The following USP9X variants were observed in gnomAD, a reference collection of about 807,000 sequenced individuals.
The protein encoded by USP9X is ubiquitin carboxyl-terminal hydrolase 9X.
In USP9X, 7 loss-of-function variants were observed where a neutral mutation model predicts 190.3. The observed-to-expected ratio is 0.04, with a 90% CI of 0.02 to 0.07. The LOEUF (loss-of-function observed/expected upper bound fraction) is 0.07. USP9X is among the 10% of genes least tolerant of loss of function. USP9X has a pLI of 1.00. For synonymous variants in USP9X, 645 were observed against 659.5 expected (o/e 0.98, Z 0.34); for missense variants, 1,010 against 1,916.9 (o/e 0.53, Z 8.83).
At chrX:41,153,655 C>A in intron 14 of USP9X, among the ~76,000 whole-genome samples, 1 of 111,805 alleles carries the variant, frequency 8.9e-6, no homozygotes, top group Non-Finnish European at 1.9e-5. Context: ...TGTGTGGAGC[C>A]CTGTGTCAGT....
chrX:41,222,981 T>TTGAACAATGTTAATAC (rs2063278290), intron 38 of USP9X, among the ~76,000 whole-genome samples: 1 of 112,232 alleles, frequency 8.9e-6, no homozygotes, highest in Non-Finnish European at 1.9e-5. Context: ...ATAGTCACTG[T>TTGAACAATGTTAATAC]TGAACAATGT....
chrX:41,167,996 G>C lies in USP9X; in HGVS notation c.2425-11G>C. The C allele has an allele frequency of 1.7e-6, 2 of 1,187,694 alleles. No homozygotes were observed. Among genetic ancestry groups the C allele is most frequent in the Non-Finnish European group, 2.3e-6 (2 of 881,667 alleles). On this transcript the variant is annotated splice_polypyrimidine_tract_variant and intron_variant, in intron 17 of 44. Transcript: ENST00000378308. ...AATTTTAACTGTGTTTATTTGGCCT[G>C]ATATTTGTAGGTGGTGATCCATGAA...
chrX:41,199,125 A>G (rs1309314998), intron 30 of USP9X, among the ~76,000 whole-genome samples: 4 of 110,933 alleles, frequency 3.6e-5, no homozygotes, highest in Non-Finnish European at 7.6e-5. Flanking sequence ...TGGAGGTTGC[A>G]GTGAGCCGAG....
At chrX:41,183,272 TAA>T (rs10719162) in intron 21 of USP9X, among the ~76,000 whole-genome samples, 20 of 96,656 alleles carry the variant, frequency 2.1e-4, no homozygotes, top group Non-Finnish European at 2.7e-4. Context: ...AGCTTTTACT[TAA>T]AAAAAAAAAA....
chrX:41,152,999 A>G lies in USP9X; in HGVS notation c.1815A>G (p.Gln605=), dbSNP rs1189627571. 3 of 1,210,720 alleles carry G rather than the reference A, an allele frequency of 2.5e-6. No homozygotes were observed. The highest frequency in any genetic ancestry group is 3.5e-5 in the South Asian group (2 of 56,761). The change falls in exon 14 of 45, where the codon CAA becomes CAG. Residue 605 remains glutamine, a synonymous_variant. Coordinates refer to ENST00000378308, the MANE Select transcript of USP9X (RefSeq NM_001039591.3). ...TTTATCGCCATGACTTAATCAATCA[A>G]CTTCAACACAATCATGCCCTAGTTA... is the stretch of plus-strand genomic sequence containing the variant. ...HVFYRHDLIN[Q]LQHNHALVTL...
At chrX:41,190,795 C>G (rs778097587) in intron 26 of USP9X, among the ~76,000 whole-genome samples, 11 of 111,604 alleles carry the variant, frequency 9.9e-5, no homozygotes, top group Admixed American at 3.8e-4. Flanking sequence ...CCTCTCTTCC[C>G]TGAAACTTGC....
Position 41,122,613 on chromosome X carries a change from T to A in USP9X, c.-158-858T>A, listed in dbSNP as rs771564816. ...GCAGTGTCTAGGAGTGTTACAATGCTCCTTTAGCCCTGCTGTCCCAGCATA... is the reference window on the plus strand; with the variant it reads ...GCAGTGTCTAGGAGTGTTACAATGCACCTTTAGCCCTGCTGTCCCAGCATA... On this transcript the variant is annotated intron_variant, in intron 1 of 44. Transcript: ENST00000378308. 2.1e-4 allele frequency among the ~76,000 whole-genome samples: 24 copies of A among 111,988 alleles called. No homozygotes were observed. The South Asian group carries it at 2.2e-3, about 10-fold the overall frequency.
intron 36 of USP9X, among the ~76,000 whole-genome samples, chrX:41,217,547 C>T (rs1771942308): frequency 1.8e-5 from 2 of 111,581 alleles, no homozygotes; most frequent in Non-Finnish European, 3.8e-5. Flanking sequence ...CTGACTTCTG[C>T]TTCTATTACC....
intron 11 of USP9X, among the ~76,000 whole-genome samples, chrX:41,146,286 A>C (rs2062463077): frequency 8.9e-6 from 1 of 112,000 alleles, no homozygotes; most frequent in African/African-American, 3.2e-5. Context: ...TCATTTGGTA[A>C]CAAGCACTTT....
chrX:41,216,216 C>T lies in USP9X; in HGVS notation c.5649C>T (p.Tyr1883=), dbSNP rs762183746. Reference sequence around the variant, plus strand: ...CGAGTGGGGGGCATTATTATTCTTACATCATCCAAAGGAATGGTGGAGATG... The same window carrying T: ...CGAGTGGGGGGCATTATTATTCTTATATCATCCAAAGGAATGGTGGAGATG... The part of the protein sequence containing the change: ...GQASGGHYYS[Y]IIQRNGGDGE... Residue 1883 remains tyrosine (Y), a synonymous_variant, in exon 35 of 45, where the codon TAC becomes TAT. Coordinates refer to ENST00000378308, the MANE Select transcript of USP9X (RefSeq NM_001039591.3). 7 of 1,209,420 alleles carry T rather than the reference C, an allele frequency of 5.8e-6. No homozygotes were observed. The African/African-American group carries it at 8.8e-5, about 15-fold the overall frequency.
intron 15 of USP9X, among the ~76,000 whole-genome samples, chrX:41,164,158 C>G (rs1431012076): frequency 9.0e-6 from 1 of 111,642 alleles, no homozygotes; most frequent in Non-Finnish European, 1.9e-5. Flanking sequence ...GTGTAAGCCA[C>G]CGTGCCTGGC....
Position 41,210,535 on chromosome X carries a change from G to A in USP9X, c.5042G>A (p.Arg1681His), listed in dbSNP as rs745666029. ...CTTTGGGGTGAGCCTGTTAATCTGC[G>A]TGAACAACACGATGCTTTAGAATTT... ...FRLWGEPVNL[R>H]EQHDALEFFN... The change falls in exon 33 of 45, where the codon CGT becomes CAT. Residue 1681 changes from arginine to histidine, a missense_variant. Coordinates refer to ENST00000378308, the MANE Select transcript of USP9X (RefSeq NM_001039591.3). The A allele has an allele frequency of 2.5e-6, 3 of 1,209,274 alleles. No individual in the cohort carries two copies. Among genetic ancestry groups the A allele is most frequent in the South Asian group, 1.8e-5 (1 of 56,652 alleles).
At position 41,233,043 on chromosome X, in the gene USP9X, G is replaced by T. The variant is rs2063375524; in HGVS notation, c.*519G>T. 1 of 112,590 alleles carries T rather than the reference G, an allele frequency of 8.9e-6. No individual in the cohort carries two copies. Among genetic ancestry groups the T allele is most frequent in the African/African-American group, 3.2e-5 (1 of 30,977 alleles). 9.3% of individuals were successfully genotyped at this position (112,590 alleles called of 1,213,427 possible). ...GTCAATTTTGCTATGAGCAATGTAAGGCTGGTAACCTTTAAATTATTTGGT... is the reference window on the plus strand; with the variant it reads ...GTCAATTTTGCTATGAGCAATGTAATGCTGGTAACCTTTAAATTATTTGGT... On this transcript the variant is annotated 3_prime_UTR_variant, in exon 45 of 45. Transcript: ENST00000378308.
chrX:41,225,157 C>T lies in USP9X; in HGVS notation c.7061+20C>T, dbSNP rs371771616. The T allele has an allele frequency of 8.8e-5, 105 of 1,191,167 alleles. No homozygotes were observed. The African/African-American group carries it at 1.6e-3, about 18-fold the overall frequency. On this transcript the variant is annotated intron_variant, in intron 41 of 44. Coordinates refer to ENST00000378308, the MANE Select transcript of USP9X (RefSeq NM_001039591.3). ...TCACAGGTGGATACTCTTTTTGTGA[C>T]TGGAAACAATTAGGCTTGCCCAGGT...
chrX:41,175,058 C>T (rs1294526369), intron 21 of USP9X, among the ~76,000 whole-genome samples: 1 of 111,721 alleles, frequency 9.0e-6, no homozygotes, highest in Non-Finnish European at 1.9e-5. Context: ...TTTATTCATT[C>T]GTTTATATCT....
At chrX:41,165,589 A>G (rs1276149238) in intron 15 of USP9X, among the ~76,000 whole-genome samples, 1 of 111,959 alleles carries the variant, frequency 8.9e-6, no homozygotes, top group Middle Eastern at 4.6e-3. Context: ...GGTTTCAAAA[A>G]CTAAAGGTTC....
chrX:41,143,221 A>G, intron 9 of USP9X, 70 bp from the exon 10 acceptor site: 1 of 774,324 alleles, frequency 1.3e-6, no homozygotes, highest in Non-Finnish European at 1.7e-6. Flanking sequence ...TTATTTAATA[A>G]TAGTGTGAGC....
Position 41,210,765 on chromosome X carries a change from C to G in USP9X, c.5189+83C>G, listed in dbSNP as rs2063150147. The G allele has an allele frequency of 3.2e-6, 3 of 935,825 alleles. No individual in the cohort carries two copies. In the African/African-American group the frequency reaches 5.9e-5, roughly 18 times the overall value. 77.1% of individuals were successfully genotyped at this position (935,825 alleles called of 1,213,427 possible). ...TAAAATTTTTACTAGTACTTACATA[C>G]AAAAGTGGAGTATATCACTGATTAC... On this transcript the variant is annotated intron_variant, in intron 33 of 44. Transcript: ENST00000378308.
Position 41,169,595 on chromosome X carries a change from C to T in USP9X, c.2637-400C>T, listed in dbSNP as rs776911339. Among the ~76,000 whole-genome samples the T allele has an allele frequency of 3.6e-5, 4 of 110,562 alleles. No homozygotes were observed. The East Asian group carries it at 8.5e-4, about 24-fold the overall frequency. ...TCAGCCTCCCAAGTAGCTGGGATTA[C>T]AGGCGCCCACCACCAAGCCTGGCTT... On this transcript the variant is annotated intron_variant, in intron 18 of 44. Coordinates refer to ENST00000378308, the MANE Select transcript of USP9X (RefSeq NM_001039591.3).
Sources: gnomAD v4.1 joint callset for allele counts (sites outside exome capture counted in the v4.1 genomes callset) on GRCh38, gnomAD v4.1.1 for gene constraint, MANE v1.5 for transcripts, NCBI Gene and HGNC (gene_info 2026-07-23, HGNC 2026-07-21) for gene names.